The following ROBO2 variants were observed in gnomAD, a reference collection of about 807,000 sequenced individuals.
The protein encoded by ROBO2 is roundabout homolog 2.
ROBO2 carries 53 observed loss-of-function variants against 160.8 expected under a neutral mutation model. The ratio of observed to expected loss-of-function variants is 0.33; its 90% CI spans 0.26 to 0.41. The LOEUF (loss-of-function observed/expected upper bound fraction) is 0.41. ROBO2 is among the 10% of genes least tolerant of loss of function. The probability of loss-of-function intolerance (pLI) is 1.00; values close to 1 mark genes in which losing one functional copy is unlikely to be tolerated. For missense variants in ROBO2, 1,577 were observed against 1,722.4 expected, an observed-to-expected ratio of 0.92 and a Z score of 1.49; for synonymous variants, 664 against 611.7, an observed-to-expected ratio of 1.09 and a Z score of -1.26.
At chr3:77,518,261 G>A (rs902053718) in intron 5 of ROBO2, among the ~76,000 whole-genome samples, 3 of 151,496 alleles carry the variant, frequency 2.0e-5, no homozygotes, top group Non-Finnish European at 4.4e-5. Flanking sequence ...AGTGTTGATG[G>A]ACAGTTGCAG....
intron 2 of ROBO2, among the ~76,000 whole-genome samples, chr3:77,156,068 C>T (rs2077982460): frequency 6.6e-6 from 1 of 151,982 alleles, no homozygotes; most frequent in Non-Finnish European, 1.5e-5. Context: ...GTTGTACCCA[C>T]ATAACCCATT....
At chr3:77,644,888 G>A (rs754806777) in exon 25 of ROBO2, 2 of 1,613,986 alleles carry the variant, frequency 1.2e-6, no homozygotes, top group Admixed American at 1.7e-5. Flanking sequence ...GTCAAGGACA[G>A]TTTACAGGTG....
At chr3:77,408,316 A>G (rs979522011) in intron 2 of ROBO2, among the ~76,000 whole-genome samples, 1 of 152,134 alleles carries the variant, frequency 6.6e-6, no homozygotes, top group Non-Finnish European at 1.5e-5. Context: ...CACTTTTTCA[A>G]TGAAAGTAAA....
chr3:77,250,470 T>C (rs6548494), intron 2 of ROBO2, among the ~76,000 whole-genome samples: 142,416 of 152,172 alleles, frequency 0.94, 67,386 homozygotes, highest in East Asian at 1. Flanking sequence ...CGAGACGTTG[T>C]TAGGTTCCAT....
intron 2 of ROBO2, among the ~76,000 whole-genome samples, chr3:76,458,733 G>A (rs550183278): frequency 6.6e-6 from 1 of 152,262 alleles, no homozygotes; most frequent in Non-Finnish European, 1.5e-5. Context: ...ATCATGATAG[G>A]AGGGAAAAGG....
At chr3:76,447,180 C>G (rs1390180899) in intron 2 of ROBO2, among the ~76,000 whole-genome samples, 7 of 152,232 alleles carry the variant, frequency 4.6e-5, no homozygotes, top group African/African-American at 1.4e-4. Flanking sequence ...ACAATGAACT[C>G]AAACAAATTT....
At chr3:77,366,778 A>G (rs562950160) in intron 2 of ROBO2, among the ~76,000 whole-genome samples, 1 of 152,112 alleles carries the variant, frequency 6.6e-6, no homozygotes, top group East Asian at 1.9e-4. Flanking sequence ...TGAGAGAGAG[A>G]AAGAGACAGA....
chr3:76,487,939 AGT>A (rs2079589211), intron 2 of ROBO2, among the ~76,000 whole-genome samples: 1 of 152,186 alleles, frequency 6.6e-6, no homozygotes, highest in Non-Finnish European at 1.5e-5. Context: ...CTGCAAAGGT[AGT>A]TATACAATGT....
intron 2 of ROBO2, among the ~76,000 whole-genome samples, chr3:76,856,989 CT>C (rs917408891): frequency 6.6e-6 from 1 of 151,368 alleles, no homozygotes; most frequent in Admixed American, 6.6e-5. Flanking sequence ...CGAATGCGTG[CT>C]TTTTTTTTCT....
At chr3:76,388,592 T>C (rs956169081) in intron 2 of ROBO2, among the ~76,000 whole-genome samples, 25 of 152,324 alleles carry the variant, frequency 1.6e-4, no homozygotes, top group African/African-American at 5.8e-4. Context: ...CTTCTGTCCC[T>C]ACAGCCAAAT....
At chr3:76,248,660 T>TAA (rs551143290) in intron 2 of ROBO2, among the ~76,000 whole-genome samples, 4 of 115,822 alleles carry the variant, frequency 3.5e-5, no homozygotes, top group Admixed American at 9.7e-5. Context: ...AAAAAAAACT[T>TAA]AAAAAAAAAA....
At chr3:77,297,156 T>C (rs2062222185) in intron 2 of ROBO2, among the ~76,000 whole-genome samples, 2 of 152,118 alleles carry the variant, frequency 1.3e-5, no homozygotes, top group Non-Finnish European at 2.9e-5. Flanking sequence ...CACAGGTGGA[T>C]CTGAGATGAG....
chr3:76,197,961 G>A (rs1050310967), intron 2 of ROBO2, among the ~76,000 whole-genome samples: 1 of 152,066 alleles, frequency 6.6e-6, no homozygotes, highest in Non-Finnish European at 1.5e-5. Context: ...ACTCCTTTTT[G>A]TACTTTAAGT....
intron 2 of ROBO2, among the ~76,000 whole-genome samples, chr3:76,309,125 G>T (rs2071457203): frequency 6.6e-6 from 1 of 152,054 alleles, no homozygotes; most frequent in Admixed American, 6.6e-5. Context: ...AAAGTAAATG[G>T]GTTTAGTTGT....
intron 2 of ROBO2, among the ~76,000 whole-genome samples, chr3:76,479,790 G>C (rs1360699075): frequency 6.6e-6 from 1 of 152,160 alleles, no homozygotes; most frequent in African/African-American, 2.4e-5. Flanking sequence ...GACTTGCCCA[G>C]GGTCTCACCT....
chr3:77,279,435 C>T (rs1170700741), intron 2 of ROBO2, among the ~76,000 whole-genome samples: 1 of 152,092 alleles, frequency 6.6e-6, no homozygotes, highest in East Asian at 1.9e-4. Flanking sequence ...TTGAAAAAGA[C>T]ATTTGAATAT....
At chr3:77,389,469 T>C (rs1020091784) in intron 2 of ROBO2, among the ~76,000 whole-genome samples, 1 of 152,178 alleles carries the variant, frequency 6.6e-6, no homozygotes, top group Non-Finnish European at 1.5e-5. Flanking sequence ...CATGCAGTGT[T>C]CTATTGGACA....
At chr3:76,351,783 C>T (rs1050200060) in intron 2 of ROBO2, among the ~76,000 whole-genome samples, 1 of 151,806 alleles carries the variant, frequency 6.6e-6, no homozygotes, top group Non-Finnish European at 1.5e-5. Flanking sequence ...CCACATCTAC[C>T]TACTATTAAC....
At chr3:76,740,860 A>G (rs912402544) in intron 2 of ROBO2, among the ~76,000 whole-genome samples, 1 of 152,096 alleles carries the variant, frequency 6.6e-6, no homozygotes, top group Non-Finnish European at 1.5e-5. Flanking sequence ...TTAAAAGCTA[A>G]TTAAATAACT....
Sources: allele counts gnomAD v4.1 joint callset (sites outside exome capture counted in the v4.1 genomes callset), GRCh38; gene constraint gnomAD v4.1.1; transcripts MANE v1.5; gene names NCBI Gene and HGNC (gene_info 2026-07-23, HGNC 2026-07-21).